The following PURA variants were observed in gnomAD, a reference collection of about 807,000 sequenced individuals.
PURA encodes transcriptional activator protein Pur-alpha.
PURA carries 2 observed loss-of-function variants against 23.1 expected under a neutral mutation model. The observed-to-expected ratio is 0.09, with a 90% CI of 0.04 to 0.27. The LOEUF is 0.27. Among genes scored for constraint, PURA ranks in the 10% least tolerant of loss-of-function variants. The pLI, the probability that PURA is intolerant of heterozygous loss-of-function variation, is 1.00. For synonymous variants in PURA, 254 were observed against 205.9 expected (o/e 1.23, Z -2.00); for missense variants, 187 against 449.7 (o/e 0.42, Z 5.28).
At position 140,121,021 on chromosome 5, in the gene PURA, T is replaced by C. The variant is rs1425331405; in HGVS notation, c.*5871T>C. Reference sequence around the variant, plus strand: ...ACACATCAGAAGTATTTCACTCATTTTGGAATCACAGGATTTTCATGTTTT... The same window carrying C: ...ACACATCAGAAGTATTTCACTCATTCTGGAATCACAGGATTTTCATGTTTT... On this transcript the variant is annotated 3_prime_UTR_variant, in exon 1 of 1. Coordinates refer to ENST00000331327, the MANE Select transcript of PURA (RefSeq NM_005859.5). 2 of 166,916 alleles carry C rather than the reference T, an allele frequency of 1.2e-5. No homozygotes were observed. Among genetic ancestry groups the C allele is most frequent in the African/African-American group, 2.4e-5 (1 of 41,438 alleles). The allele number at this position is 166,916 out of a possible 1,614,324, so 10.3% of individuals were successfully genotyped here.
In PURA at chr5:140,114,219, C is replaced by T. The variant is rs533257824; in HGVS notation, c.38C>T (p.Ala13Val). The T allele has an allele frequency of 2.0e-6, 2 of 1,010,734 alleles. No homozygotes were observed. Among genetic ancestry groups the T allele is most frequent in the Admixed American group, 4.7e-5 (1 of 21,468 alleles). The allele number at this position is 1,010,734 out of a possible 1,614,324, so 62.6% of individuals were successfully genotyped here. A position where few individuals can be genotyped will look rare whatever the true frequency, so the allele number is the denominator to read the frequency against. Residue 13 changes from alanine (A) to valine (V), a missense_variant, in exon 1 of 1, where the codon GCG becomes GTG. By Grantham distance (64) the Ala-to-Val change is moderately conservative (BLOSUM62 0). Transcript: ENST00000331327. ...GACAGCGGCAGCGAGCAGGGTGGTG[C>T]GGCGCTGGGTTCGGGCGGCTCCCTG... ...DRDSGSEQGG[A>V]ALGSGGSLGH...
At position 140,115,380 on chromosome 5, in the gene PURA, T is replaced by C. The variant is rs985698836; in HGVS notation, c.*230T>C. 2 of 362,948 alleles carry C rather than the reference T, an allele frequency of 5.5e-6. No homozygotes were observed. Among genetic ancestry groups the C allele is most frequent in the Non-Finnish European group, 1.0e-5 (2 of 195,788 alleles). 22.5% of individuals were successfully genotyped at this position (362,948 alleles called of 1,614,324 possible). A position where few individuals can be genotyped will look rare whatever the true frequency, so the allele number is the denominator to read the frequency against. On this transcript the variant is annotated 3_prime_UTR_variant, in exon 1 of 1. Coordinates refer to ENST00000331327, the MANE Select transcript of PURA (RefSeq NM_005859.5). The surrounding 1 kb of genome is among the most constrained non-coding windows in gnomAD (Gnocchi z 4.1). ...TGGATGTTGTCCACTTTATCCACCA[T>C]ATAAAACAGTAAGCAGCTGCTAAAA...
At position 140,124,899 on chromosome 5, in the gene PURA, A is replaced by G. The variant is rs1293830861; in HGVS notation, c.*9749A>G. On this transcript the variant is annotated 3_prime_UTR_variant, in exon 1 of 1. Coordinates refer to ENST00000331327, the MANE Select transcript of PURA (RefSeq NM_005859.5). ...TTTGATTATTTTTTAATGGAGTTTA[A>G]CCAGCTTAATTAATGATTTTTCCAG... The G allele has an allele frequency of 6.0e-6, 1 of 167,054 alleles. No homozygotes were observed. The highest frequency in any genetic ancestry group is 1.5e-5 in the Non-Finnish European group (1 of 68,102). The allele number at this position is 167,054 out of a possible 1,614,324, so 10.3% of individuals were successfully genotyped here.
rs1357423891 is a variant in PURA, at chr5:140,123,510, T to C, written c.*8360T>C. ...TTCTAATTTCTTGCAGAATTGTGTTTTCAATATTCCACCCAAAGCAAAAAT... is the reference window on the plus strand; with the variant it reads ...TTCTAATTTCTTGCAGAATTGTGTTCTCAATATTCCACCCAAAGCAAAAAT... On this transcript the variant is annotated 3_prime_UTR_variant, in exon 1 of 1. Transcript: ENST00000331327. The C allele has an allele frequency of 6.0e-6, 1 of 166,634 alleles. No individual in the cohort carries two copies. The highest frequency in any genetic ancestry group is 1.5e-5 in the Non-Finnish European group (1 of 68,082). 10.3% of individuals were successfully genotyped at this position (166,634 alleles called of 1,614,324 possible).
In PURA at chr5:140,114,173, C is replaced by T. The variant is rs1432520390; in HGVS notation, c.-9C>T. 4.3e-6 allele frequency: 3 copies of T among 704,056 alleles called. No homozygotes were observed. The highest frequency in any genetic ancestry group is 3.8e-6 in the Non-Finnish European group (2 of 519,618). The allele number at this position is 704,056 out of a possible 1,614,324, so 43.6% of individuals were successfully genotyped here. On this transcript the variant is annotated 5_prime_UTR_variant, in exon 1 of 1. Transcript: ENST00000331327. The stretch of plus-strand genomic sequence containing the variant: ...AGGCGGCGGCGGCGCGGCAGCGGAG[C>T]GCAGCATCATGGCGGACCGAGACAG...
At position 140,120,998 on chromosome 5, in the gene PURA, A is replaced by G. The variant is rs975983263; in HGVS notation, c.*5848A>G. On this transcript the variant is annotated 3_prime_UTR_variant, in exon 1 of 1. Transcript: ENST00000331327. Reference sequence around the variant, plus strand: ...TATGTAAAATATAGTTGCTTCTTACACATCAGAAGTATTTCACTCATTTTG... The same window carrying G: ...TATGTAAAATATAGTTGCTTCTTACGCATCAGAAGTATTTCACTCATTTTG... The G allele has an allele frequency of 1.8e-5, 3 of 166,918 alleles. No individual in the cohort carries two copies. Among genetic ancestry groups the G allele is most frequent in the Admixed American group, 6.6e-5 (1 of 15,254 alleles). 10.3% of individuals were successfully genotyped at this position (166,918 alleles called of 1,614,324 possible).
chr5:140,117,765 A>G lies in PURA; in HGVS notation c.*2615A>G, dbSNP rs1203131758. ...GTATTGTGCAATTAATTGTCTTTAC[A>G]CTAAAACAGTTTAATACAATCTAAC... On this transcript the variant is annotated 3_prime_UTR_variant, in exon 1 of 1. Transcript: ENST00000331327. 6.6e-5 allele frequency: 11 copies of G among 165,486 alleles called. No homozygotes were observed. The highest frequency in any genetic ancestry group is 1.6e-4 in the Non-Finnish European group (11 of 68,092). 10.3% of individuals were successfully genotyped at this position (165,486 alleles called of 1,614,324 possible). A position where few individuals can be genotyped will look rare whatever the true frequency, so the allele number is the denominator to read the frequency against.
rs1481363755 is a variant in PURA, at chr5:140,115,241, A to G, written c.*91A>G. On this transcript the variant is annotated 3_prime_UTR_variant, in exon 1 of 1. Coordinates refer to ENST00000331327, the MANE Select transcript of PURA (RefSeq NM_005859.5). The surrounding 1 kb of genome is among the most constrained non-coding windows in gnomAD (Gnocchi z 4.1). ...GAAAATATACTGTAAAGAAAGAGAG[A>G]AAATAAAAAGTTAAAAAGTTAAAAA... The G allele has an allele frequency of 2.2e-5, 19 of 865,120 alleles. No homozygotes were observed. In the East Asian group the frequency reaches 6.1e-4, roughly 28 times the overall value. The allele number at this position is 865,120 out of a possible 1,614,324, so 53.6% of individuals were successfully genotyped here.
In PURA at chr5:140,125,578, A is replaced by G. The variant is rs2126753930; in HGVS notation, c.*10428A>G. 6.0e-6 allele frequency: 1 copy of G among 167,090 alleles called. No homozygotes were observed. The highest frequency in any genetic ancestry group is 2.1e-4 in the South Asian group (1 of 4,830). 10.4% of individuals were successfully genotyped at this position (167,090 alleles called of 1,614,324 possible). On this transcript the variant is annotated 3_prime_UTR_variant, in exon 1 of 1. Transcript: ENST00000331327. ...AACCCCTTCCTCACCAAAAGATTTT[A>G]GTTTTGTCTGTTGGGAAACAAGATG...
Position 140,118,110 on chromosome 5 carries a change from G to T in PURA, c.*2960G>T. 6.0e-6 allele frequency: 1 copy of T among 166,816 alleles called. No individual in the cohort carries two copies. The allele number at this position is 166,816 out of a possible 1,614,324, so 10.3% of individuals were successfully genotyped here. On this transcript the variant is annotated 3_prime_UTR_variant, in exon 1 of 1. Transcript: ENST00000331327. Reference sequence around the variant, plus strand: ...CCCTGTTTATGCTGAAACAAATAAGGAAATGGTATATTTGACCATATGTGT... The same window carrying T: ...CCCTGTTTATGCTGAAACAAATAAGTAAATGGTATATTTGACCATATGTGT...
chr5:140,122,497 C>CT lies in PURA; in HGVS notation c.*7353dup, dbSNP rs1294043513. 1 of 166,750 alleles carries CT rather than the reference C, an allele frequency of 6.0e-6. No individual in the cohort carries two copies. Among genetic ancestry groups the CT allele is most frequent in the East Asian group, 1.9e-4 (1 of 5,206 alleles). 10.3% of individuals were successfully genotyped at this position (166,750 alleles called of 1,614,324 possible). ...AACACTAACTTGCAATTTTAGGTGT[C>CT]TTTTTTATTTCTTTTACATTTGCAT... is the stretch of plus-strand genomic sequence containing the variant. On this transcript the variant is annotated 3_prime_UTR_variant, in exon 1 of 1. Coordinates refer to ENST00000331327, the MANE Select transcript of PURA (RefSeq NM_005859.5).
In PURA at chr5:140,114,800, G is replaced by A; in HGVS notation, c.619G>A (p.Asp207Asn). The A allele has an allele frequency of 6.2e-7, 1 of 1,613,966 alleles. No homozygotes were observed. The highest frequency in any genetic ancestry group is 8.5e-7 in the Non-Finnish European group (1 of 1,179,906). The change falls in exon 1 of 1, where the codon GAC (aspartate) becomes AAC (asparagine). Residue 207 changes from aspartate (D) to asparagine (N), a missense_variant. Physicochemically the swap from Asp to Asn is conservative, Grantham distance 23. Transcript: ENST00000331327. ...CCGTGACGCTCTGGCCAAGCTCATC[G>A]ACGACTACGGAGTGGAGGAGGAGCC... Reference protein sequence around the residue: ...EFRDALAKLIDDYGVEEEPAE... With the variant: ...EFRDALAKLINDYGVEEEPAE...
chr5:140,115,214 C>A lies in PURA; in HGVS notation c.*64C>A. On this transcript the variant is annotated 3_prime_UTR_variant, in exon 1 of 1. Transcript: ENST00000331327. This position sits in a 1 kb window ranked among gnomAD's most constrained non-coding sequence, Gnocchi z 4.1. ...ACACACACACACACAGCCACACACA[C>A]AGAAAATATACTGTAAAGAAAGAGA... The A allele has an allele frequency of 4.3e-6, 4 of 926,510 alleles. No homozygotes were observed. Among genetic ancestry groups the A allele is most frequent in the South Asian group, 2.2e-5 (1 of 45,712 alleles). 57.4% of individuals were successfully genotyped at this position (926,510 alleles called of 1,614,324 possible).
In PURA at chr5:140,114,442, G is replaced by A. The variant is rs1763042780; in HGVS notation, c.261G>A (p.Lys87=). The change falls in exon 1 of 1, where the codon AAG becomes AAA. Residue 87 remains lysine (K), a synonymous_variant. Transcript: ENST00000331327. The part of the protein sequence containing the change: ...VKQNAKGRFL[K]IAEVGAGGNK... ...AGAACGCCAAGGGCCGCTTCCTGAAGATCGCCGAGGTGGGCGCGGGCGGCA... is the reference window on the plus strand; with the variant it reads ...AGAACGCCAAGGGCCGCTTCCTGAAAATCGCCGAGGTGGGCGCGGGCGGCA... The A allele has an allele frequency of 6.2e-7, 1 of 1,612,932 alleles. No homozygotes were observed. Among genetic ancestry groups the A allele is most frequent in the Admixed American group, 1.7e-5 (1 of 59,980 alleles).
In PURA at chr5:140,119,621, C is replaced by G. The variant is rs1763127762; in HGVS notation, c.*4471C>G. 1 of 166,680 alleles carries G rather than the reference C, an allele frequency of 6.0e-6. No homozygotes were observed. Among genetic ancestry groups the G allele is most frequent in the Non-Finnish European group, 1.5e-5 (1 of 67,934 alleles). 10.3% of individuals were successfully genotyped at this position (166,680 alleles called of 1,614,324 possible). ...TGATATATTTTAAAAGATACTATGT[C>G]AACTTTTTTCTTCCTATTTTCTTAT... is the stretch of plus-strand genomic sequence containing the variant. On this transcript the variant is annotated 3_prime_UTR_variant, in exon 1 of 1. Transcript: ENST00000331327.
rs1305415211 is a variant in PURA at position 140,122,370 on chromosome 5, T to C, written c.*7220T>C. Reference sequence around the variant, plus strand: ...TTCAAATGGTCCTTAGATCAAATTATTTGATTTTGTACTCCACAAAGACAC... The same window carrying C: ...TTCAAATGGTCCTTAGATCAAATTACTTGATTTTGTACTCCACAAAGACAC... On this transcript the variant is annotated 3_prime_UTR_variant, in exon 1 of 1. Transcript: ENST00000331327. The C allele has an allele frequency of 6.0e-6, 1 of 166,908 alleles. No individual in the cohort carries two copies. The highest frequency in any genetic ancestry group is 1.5e-5 in the Non-Finnish European group (1 of 68,026). 10.3% of individuals were successfully genotyped at this position (166,908 alleles called of 1,614,324 possible).
Position 140,117,170 on chromosome 5 carries a change from A to G in PURA, c.*2020A>G, listed in dbSNP as rs1466092335. 1 of 167,070 alleles carries G rather than the reference A, an allele frequency of 6.0e-6. No individual in the cohort carries two copies. The highest frequency in any genetic ancestry group is 2.4e-5 in the African/African-American group (1 of 41,456). The allele number at this position is 167,070 out of a possible 1,614,324, so 10.3% of individuals were successfully genotyped here. A position where few individuals can be genotyped will look rare whatever the true frequency, so the allele number is the denominator to read the frequency against. On this transcript the variant is annotated 3_prime_UTR_variant, in exon 1 of 1. Coordinates refer to ENST00000331327, the MANE Select transcript of PURA (RefSeq NM_005859.5). The stretch of plus-strand genomic sequence containing the variant: ...ATTAAATTGTTTGCTTTTAATATTC[A>G]ATGTTAAATATGAGGTGACCGTACA...
rs1328162313 is a variant in PURA at position 140,124,585 on chromosome 5, A to G, written c.*9435A>G. 1 of 167,010 alleles carries G rather than the reference A, an allele frequency of 6.0e-6. No homozygotes were observed. The highest frequency in any genetic ancestry group is 2.4e-5 in the African/African-American group (1 of 41,442). 10.3% of individuals were successfully genotyped at this position (167,010 alleles called of 1,614,324 possible). ...CTTCCATTGTTCAGATTTTAGGTTTATCTAGTGAAATTGTGCCAGGTAGTT... is the reference window on the plus strand; with the variant it reads ...CTTCCATTGTTCAGATTTTAGGTTTGTCTAGTGAAATTGTGCCAGGTAGTT... On this transcript the variant is annotated 3_prime_UTR_variant, in exon 1 of 1. Coordinates refer to ENST00000331327, the MANE Select transcript of PURA (RefSeq NM_005859.5).
chr5:140,119,932 C>T lies in PURA; in HGVS notation c.*4782C>T, dbSNP rs1358332869. 1.2e-5 allele frequency: 2 copies of T among 166,520 alleles called. No homozygotes were observed. Among genetic ancestry groups the T allele is most frequent in the Non-Finnish European group, 2.9e-5 (2 of 67,928 alleles). 10.3% of individuals were successfully genotyped at this position (166,520 alleles called of 1,614,324 possible). On this transcript the variant is annotated 3_prime_UTR_variant, in exon 1 of 1. Transcript: ENST00000331327. ...CTATCTGAAATTGATGGTCTAGTAG[C>T]TTTCATAGCTCCACAATTCATTTTA...
Sources: gnomAD v4.1 joint callset for allele counts on GRCh38, gnomAD v4.1.1 for gene constraint, Gnocchi (gnomAD v3.1) non-coding constraint, MANE v1.5 for transcripts, NCBI Gene and HGNC (gene_info 2026-07-23, HGNC 2026-07-21) for gene names.